NUP160: variants seen among roughly 807,000 people sequenced by gnomAD.
The protein encoded by NUP160 is nuclear pore complex protein Nup160.
NUP160 carries 94 observed loss-of-function variants against 196.9 expected under a neutral mutation model. The ratio of observed to expected loss-of-function variants is 0.48; its 90% confidence interval spans 0.40 to 0.57. NUP160 has a LOEUF of 0.57. Among genes scored for constraint, NUP160 ranks in the 20% least tolerant of loss-of-function variants. The pLI is 0.00. For synonymous variants in NUP160, 605 were observed against 619.7 expected (o/e 0.98, Z 0.35); for missense variants, 1,638 against 1,748.3 (o/e 0.94, Z 1.13).
At chr11:47,790,225 C>T (rs1001973973) in intron 29 of NUP160, among the ~76,000 whole-genome samples, 8 of 151,730 alleles carry the variant, frequency 5.3e-5, no homozygotes, top group African/African-American at 1.7e-4. Context: ...GGATTACAGG[C>T]GTGAGTCACT....
At chr11:47,846,829 C>T (rs886297962) in intron 2 of NUP160, among the ~76,000 whole-genome samples, 8 of 152,088 alleles carry the variant, frequency 5.3e-5, no homozygotes, top group African/African-American at 1.4e-4. Flanking sequence ...TTCCTATATA[C>T]ATGAGGTTTG....
chr11:47,814,759 T>A (rs1308097708), intron 13 of NUP160, among the ~76,000 whole-genome samples: 1 of 152,160 alleles, frequency 6.6e-6, no homozygotes, highest in Non-Finnish European at 1.5e-5. Context: ...TTAAGGATAT[T>A]TAAGGATAAA....
chr11:47,808,378 T>A lies in NUP160; in HGVS notation c.2375+18A>T. The A allele has an allele frequency of 6.3e-7, 1 of 1,595,264 alleles. No homozygotes were observed. ...ACTCACAATTTACATTTTAAATAAT[T>A]GGGATAATGAAACTCACAGTGTGTC... On this transcript the variant is annotated intron_variant, in intron 18 of 35. Transcript: ENST00000378460.
intron 31 of NUP160, among the ~76,000 whole-genome samples, chr11:47,787,693 G>T (rs2097665441): frequency 6.6e-6 from 1 of 151,154 alleles, no homozygotes; most frequent in Non-Finnish European, 1.5e-5. Context: ...GATTACAGAT[G>T]TGAGCCACTG....
At chr11:47,825,835 C>T (rs1037665785) in intron 7 of NUP160, among the ~76,000 whole-genome samples, 7 of 152,116 alleles carry the variant, frequency 4.6e-5, no homozygotes, top group African/African-American at 1.7e-4. Flanking sequence ...CTGCCCACCT[C>T]GGCCTTCTAA....
At chr11:47,788,574 C>T in exon 30 of NUP160, 1 of 1,614,042 alleles carries the variant, frequency 6.2e-7, no homozygotes, top group Non-Finnish European at 8.5e-7. Context: ...ACTCTTTCTC[C>T]AGATCTTCCA....
intron 17 of NUP160, 91 bp downstream of exon 17, chr11:47,811,973 T>C (rs1388176831): frequency 6.7e-5 from 75 of 1,120,660 alleles, no homozygotes; most frequent in Non-Finnish European, 9.2e-5. Context: ...CAAAAGTATC[T>C]GTGCTAGTAG....
chr11:47,800,745 C>T (rs2097673756), intron 23 of NUP160, among the ~76,000 whole-genome samples: 1 of 152,104 alleles, frequency 6.6e-6, no homozygotes, highest in Admixed American at 6.6e-5. Flanking sequence ...ATCTAATAAG[C>T]AATTAACAAA....
intron 34 of NUP160, among the ~76,000 whole-genome samples, chr11:47,782,355 T>C (rs7935273): frequency 0.16 from 17,688 of 108,310 alleles, 2,821 homozygotes; most frequent in East Asian, 0.28. Flanking sequence ...TATATATATA[T>C]ATGCGCCTAT....
intron 20 of NUP160, among the ~76,000 whole-genome samples, chr11:47,805,501 G>A (rs1235341111): frequency 6.7e-6 from 1 of 149,642 alleles, no homozygotes; most frequent in African/African-American, 2.5e-5. Context: ...CTGGAGTGCA[G>A]TGGCGCAATC....
At chr11:47,804,041 C>T (rs536349098) in intron 21 of NUP160, among the ~76,000 whole-genome samples, 2 of 152,014 alleles carry the variant, frequency 1.3e-5, no homozygotes, top group East Asian at 1.9e-4. Context: ...ATTAGCTGGG[C>T]GCGGTGGCAC....
chr11:47,809,100 T>C (rs1186951330), intron 17 of NUP160, among the ~76,000 whole-genome samples: 1 of 149,828 alleles, frequency 6.7e-6, no homozygotes, highest in Non-Finnish European at 1.5e-5. Context: ...GACTCCGTCT[T>C]AAAAAAGAAA....
At chr11:47,845,758 T>G (rs533116979) in intron 2 of NUP160, among the ~76,000 whole-genome samples, 1 of 152,236 alleles carries the variant, frequency 6.6e-6, no homozygotes, top group African/African-American at 2.4e-5. Context: ...CCACCTGGAG[T>G]GCAGTGGCAT....
intron 23 of NUP160, among the ~76,000 whole-genome samples, chr11:47,799,602 G>A (rs552761209): frequency 1.3e-5 from 2 of 151,986 alleles, no homozygotes; most frequent in African/African-American, 2.4e-5. Context: ...CTGGAGTGCA[G>A]TGGCATGATC....
At chr11:47,834,728 C>T (rs1325261085) in intron 7 of NUP160, among the ~76,000 whole-genome samples, 2 of 152,046 alleles carry the variant, frequency 1.3e-5, no homozygotes, top group Non-Finnish European at 2.9e-5. Context: ...GTGAGAAGGG[C>T]GTGCATGCAG....
intron 27 of NUP160, among the ~76,000 whole-genome samples, chr11:47,793,708 T>G (rs2097669166): frequency 6.7e-6 from 1 of 148,310 alleles, no homozygotes; most frequent in African/African-American, 2.5e-5. Flanking sequence ...CATTTAATTA[T>G]CTGTAAGATA....
chr11:47,788,348 C>G, intron 30 of NUP160, 43 bp from the exon 31 acceptor site: 1 of 1,611,426 alleles, frequency 6.2e-7, no homozygotes, highest in Non-Finnish European at 8.5e-7. Context: ...CCAAGGTATA[C>G]ACAAATGAAA....
At chr11:47,843,316 C>T (rs1852341243) in intron 2 of NUP160, among the ~76,000 whole-genome samples, 1 of 152,168 alleles carries the variant, frequency 6.6e-6, no homozygotes, top group South Asian at 2.1e-4. Flanking sequence ...CATCAATGAC[C>T]TCCATGATCC....
chr11:47,783,268 G>A (rs1276555837), intron 33 of NUP160, 70 bp from the exon 34 acceptor site: 1 of 1,532,834 alleles, frequency 6.5e-7, no homozygotes, highest in Non-Finnish European at 8.8e-7. Context: ...AAAGAATGTT[G>A]AGTGGCTGAT....
Sources: gnomAD v4.1 joint callset for allele counts (sites outside exome capture counted in the v4.1 genomes callset) on GRCh38, gnomAD v4.1.1 for gene constraint, MANE v1.5 for transcripts, NCBI Gene and HGNC (gene_info 2026-07-23, HGNC 2026-07-21) for gene names.